TYW1B: variants seen among roughly 807,000 people sequenced by gnomAD.
TYW1B encodes the protein tRNA-yW synthesizing protein 1 homolog B, also known as S-adenosyl-L-methionine-dependent tRNA 4-demethylwyosine synthase TYW1B.
In TYW1B, 73 loss-of-function variants were observed where a neutral mutation model predicts 86.9. That is an observed-to-expected ratio of 0.84 (90% CI 0.70 to 1.02). The LOEUF is 1.02. Ranked by LOEUF, TYW1B falls within the 50% of genes least tolerant of loss-of-function variation. The pLI is 0.00. For missense variants in TYW1B, 637 were observed against 827.4 expected (o/e 0.77, Z 2.82); for synonymous variants, 248 against 292.8 (o/e 0.85, Z 1.56).
chr7:72,605,304 T>C (rs1259442186), intron 13 of TYW1B, among the ~76,000 whole-genome samples: 6 of 152,018 alleles, frequency 3.9e-5, no homozygotes, highest in African/African-American at 1.4e-4. Context: ...ATGTAAATAT[T>C]CAACTGATGT....
chr7:72,738,990 G>A (rs35570171), intron 8 of TYW1B, among the ~76,000 whole-genome samples: 10 of 152,174 alleles, frequency 6.6e-5, no homozygotes, highest in Middle Eastern at 3.4e-3. Context: ...AGTGGCTGAG[G>A]CAGGAGGATC....
At chr7:72,741,363 T>G (rs1305303177) in intron 8 of TYW1B, among the ~76,000 whole-genome samples, 1 of 152,222 alleles carries the variant, frequency 6.6e-6, no homozygotes, top group South Asian at 2.1e-4. Context: ...ACAGAAGATT[T>G]GAACAGGCAA....
intron 8 of TYW1B, among the ~76,000 whole-genome samples, chr7:72,733,197 C>CACACACACCT (rs1554460249): frequency 7.6e-6 from 1 of 131,788 alleles, no homozygotes; most frequent in Non-Finnish European, 1.7e-5. Context: ...CACACACACA[C>CACACACACCT]ACCTCTCACA....
chr7:72,630,879 C>T lies in TYW1B; in HGVS notation c.1507-1882G>A, dbSNP rs533557858. On this transcript the variant is annotated intron_variant, in intron 11 of 13. Coordinates refer to ENST00000620995, the MANE Select transcript of TYW1B (RefSeq NM_001145440.3). ...AGTAGAAAACTGCAGACCTATCTCA[C>T]TCATACTTATATATGTAAAAATCTT... Among the ~76,000 whole-genome samples, 15 of 152,254 alleles carry T rather than the reference C, an allele frequency of 9.9e-5. No homozygotes were observed. The South Asian group carries it at 3.1e-3, about 32-fold the overall frequency.
intron 10 of TYW1B, among the ~76,000 whole-genome samples, chr7:72,705,322 G>A (rs1196346411): frequency 6.6e-6 from 1 of 152,152 alleles, no homozygotes; most frequent in African/African-American, 2.4e-5. Context: ...GCAAAAACTA[G>A]AGAAAAAACA....
intron 11 of TYW1B, among the ~76,000 whole-genome samples, chr7:72,645,410 C>A (rs1247095962): frequency 6.6e-6 from 1 of 152,136 alleles, no homozygotes; most frequent in Non-Finnish European, 1.5e-5. Context: ...GCAGAACACC[C>A]AATGAGGCAG....
chr7:72,799,147 C>A (rs377624898), intron 6 of TYW1B, among the ~76,000 whole-genome samples: 9 of 130,842 alleles, frequency 6.9e-5, no homozygotes, highest in Non-Finnish European at 1.3e-4. Context: ...CTGACCGGGT[C>A]TGCCTTTTTT....
At chr7:72,771,428 T>A (rs1787866824) in intron 7 of TYW1B, among the ~76,000 whole-genome samples, 1 of 152,188 alleles carries the variant, frequency 6.6e-6, no homozygotes, top group Non-Finnish European at 1.5e-5. Context: ...AGGTTCTACA[T>A]CTATCAAAAT....
rs1214992499 is a variant in TYW1B, at chr7:72,786,769, T to C, written c.847-9236A>G. 5.9e-5 allele frequency among the ~76,000 whole-genome samples: 9 copies of C among 151,986 alleles called. No homozygotes were observed. The East Asian group carries it at 7.7e-4, about 13-fold the overall frequency. The stretch of plus-strand genomic sequence containing the variant: ...TTTGTATTTTTTGTAGAGACAGGGT[T>C]TCGTCATATTGCCCAGGCTGGTCTC... On this transcript the variant is annotated intron_variant, in intron 6 of 13. Coordinates refer to ENST00000620995, the MANE Select transcript of TYW1B (RefSeq NM_001145440.3).
chr7:72,808,575 T>C lies in TYW1B; in HGVS notation c.433-1219A>G, dbSNP rs1298982961. Among the ~76,000 whole-genome samples the C allele has an allele frequency of 4.0e-5, 6 of 148,638 alleles. No homozygotes were observed. The East Asian group carries it at 1.2e-3, about 29-fold the overall frequency. On this transcript the variant is annotated intron_variant, in intron 4 of 13. Transcript: ENST00000620995. ...GGAGTTTCACTCTTGTTACCCAGGC[T>C]GGAGTGCAATGGCACGACCTCGGCT... is the stretch of plus-strand genomic sequence containing the variant.
intron 9 of TYW1B, among the ~76,000 whole-genome samples, chr7:72,714,010 A>G (rs1377499848): frequency 6.7e-6 from 1 of 150,122 alleles, no homozygotes; most frequent in East Asian, 1.9e-4. Flanking sequence ...GTTAAACTAC[A>G]TCAATACAAG....
At chr7:72,723,976 T>C (rs1786952023) in intron 9 of TYW1B, among the ~76,000 whole-genome samples, 2 of 98,640 alleles carry the variant, frequency 2.0e-5, no homozygotes, top group African/African-American at 6.5e-5. Context: ...CACTTTACCC[T>C]TTACTAATTA....
intron 2 of TYW1B, 50 bp from the exon 3 acceptor site, chr7:72,815,531 T>A: frequency 1.3e-6 from 2 of 1,526,224 alleles, no homozygotes; most frequent in Non-Finnish European, 1.8e-6. Flanking sequence ...GAGCCAAATA[T>A]AGCCCTCATT....
At chr7:72,603,324 ATGG>A (rs1554434245) in intron 13 of TYW1B, among the ~76,000 whole-genome samples, 4 of 85,410 alleles carry the variant, frequency 4.7e-5, no homozygotes, top group Non-Finnish European at 4.6e-5. Flanking sequence ...CAGATAGATG[ATGG>A]ATGGATGGAT....
intron 11 of TYW1B, among the ~76,000 whole-genome samples, chr7:72,674,512 T>C (rs1813689620): frequency 6.6e-6 from 1 of 151,926 alleles, no homozygotes; most frequent in Non-Finnish European, 1.5e-5. Flanking sequence ...TAGGTCTTAA[T>C]CCACACCTCC....
At position 72,810,569 on chromosome 7, in the gene TYW1B, C is replaced by T; in HGVS notation, c.334G>A (p.Ala112Thr). The T allele has an allele frequency of 6.2e-7, 1 of 1,613,946 alleles. No homozygotes were observed. The highest frequency in any genetic ancestry group is 8.5e-7 in the Non-Finnish European group (1 of 1,179,864). The change falls in exon 4 of 14, where the codon GCA (alanine) becomes ACA (threonine). Residue 112 changes from alanine to threonine, a missense_variant. By Grantham distance (58) the Ala-to-Thr change is moderately conservative. Transcript: ENST00000620995. ...TTGCCAAATCGAAAATCAATGGATG[C>T]TTCCTCTAACCATTTGCAGAACCAC... ...AEWFCKWLEE[A>T]SIDFRFGKTY...
At chr7:72,607,393 C>CAAAAA (rs57281644) in intron 13 of TYW1B, among the ~76,000 whole-genome samples, 2 of 76,226 alleles carry the variant, frequency 2.6e-5, no homozygotes, top group Admixed American at 1.5e-4. Context: ...TTCTGTCTCT[C>CAAAAA]AAAAAAAAAA....
chr7:72,732,164 T>C (rs1182336125), intron 8 of TYW1B, among the ~76,000 whole-genome samples: 5 of 152,164 alleles, frequency 3.3e-5, no homozygotes, highest in African/African-American at 1.2e-4. Context: ...ATGGGAAAGA[T>C]AGACTCTACT....
At chr7:72,634,091 C>T (rs563898226) in intron 11 of TYW1B, among the ~76,000 whole-genome samples, 299 of 152,184 alleles carry the variant, frequency 2.0e-3, no homozygotes, top group African/African-American at 6.5e-3. Context: ...TACTAGCGAA[C>T]GATTTTAACC....
Sources: gnomAD v4.1 joint callset for allele counts (sites outside exome capture counted in the v4.1 genomes callset) on GRCh38, gnomAD v4.1.1 for gene constraint, MANE v1.5 for transcripts, NCBI Gene and HGNC (gene_info 2026-07-23, HGNC 2026-07-21) for gene names.